MYO10: variants seen among roughly 807,000 people sequenced by gnomAD.
MYO10 encodes unconventional myosin-X.
In MYO10, 133 loss-of-function variants were observed where a neutral mutation model predicts 257.3. The observed-to-expected ratio is 0.52, with a 90% confidence interval of 0.45 to 0.60. The LOEUF (loss-of-function observed/expected upper bound fraction) is 0.60. Ranked by LOEUF, MYO10 falls within the 20% of genes least tolerant of loss-of-function variation. The pLI is 0.00. For missense variants in MYO10, 2,399 were observed against 2,635.7 expected, an observed-to-expected ratio of 0.91 and a Z score of 1.97; for synonymous variants, 1,104 against 1,028.6, an observed-to-expected ratio of 1.07 and a Z score of -1.40.
At chr5:16,816,889 G>A (rs182256552) in intron 3 of MYO10, among the ~76,000 whole-genome samples, 7 of 140,958 alleles carry the variant, frequency 5.0e-5, no homozygotes, top group Admixed American at 7.1e-5. Flanking sequence ...GCGCGATCTT[G>A]GCTCACTGCA....
Position 16,676,019 on chromosome 5 carries a change from C to T in MYO10, c.4666+12G>A, listed in dbSNP as rs372365024. ...TGGTCTCTGAGGAGTCGGGGTGGAG[C>T]TCTGGACTTACAGTTGAGATTTATG... On this transcript the variant is annotated intron_variant, in intron 34 of 40. Transcript: ENST00000513610. 6.2e-7 allele frequency: 1 copy of T among 1,604,652 alleles called. No individual in the cohort carries two copies. The highest frequency in any genetic ancestry group is 8.5e-7 in the Non-Finnish European group (1 of 1,176,718).
At chr5:16,919,116 C>G (rs1053012033) in intron 1 of MYO10, among the ~76,000 whole-genome samples, 1 of 152,134 alleles carries the variant, frequency 6.6e-6, no homozygotes, top group African/African-American at 2.4e-5. Flanking sequence ...ATAGCTCACA[C>G]CTGTAATCCC....
chr5:16,711,624 A>T (rs1393707907), intron 19 of MYO10, among the ~76,000 whole-genome samples: 2 of 152,184 alleles, frequency 1.3e-5, no homozygotes, highest in African/African-American at 4.8e-5. Flanking sequence ...TCTACTAAAA[A>T]TACAAAAATT....
In MYO10 at chr5:16,762,480, G is replaced by C. The variant is rs1016040107; in HGVS notation, c.1587+65C>G. ...TTGGGCCAGCGGACTGACATGTCTG[G>C]TGTGTAATCCCAACCCACAGACGTG... On this transcript the variant is annotated intron_variant, in intron 15 of 40. Transcript: ENST00000513610. 9.4e-6 allele frequency: 12 copies of C among 1,279,318 alleles called. No individual in the cohort carries two copies. The African/African-American group carries it at 1.8e-4, about 19-fold the overall frequency. The allele number at this position is 1,279,318 out of a possible 1,614,324, so 79.2% of individuals were successfully genotyped here.
At chr5:16,934,454 T>C (rs1233128020) in intron 1 of MYO10, among the ~76,000 whole-genome samples, 1 of 152,268 alleles carries the variant, frequency 6.6e-6, no homozygotes, top group Non-Finnish European at 1.5e-5. Context: ...GAACTCACTG[T>C]AGCCCGAGGG....
At chr5:16,737,460 A>G (rs1013582884) in intron 19 of MYO10, among the ~76,000 whole-genome samples, 24 of 152,324 alleles carry the variant, frequency 1.6e-4, no homozygotes, top group African/African-American at 5.3e-4. Context: ...ACTTACTAAA[A>G]AGGGAAACAA....
At chr5:16,800,568 T>A (rs1158036756) in intron 3 of MYO10, among the ~76,000 whole-genome samples, 1 of 152,222 alleles carries the variant, frequency 6.6e-6, no homozygotes, top group African/African-American at 2.4e-5. Context: ...TTGAGGATTC[T>A]GGGACTCATT....
At chr5:16,677,433 T>TTTTTTTTTTTG (rs1363770924) in intron 33 of MYO10, among the ~76,000 whole-genome samples, 2,276 of 144,698 alleles carry the variant, frequency 0.016, 102 homozygotes, top group African/African-American at 0.05. Flanking sequence ...TTTTTTTTTT[T>TTTTTTTTTTTG]GAGACGGAGT....
chr5:16,810,673 A>G (rs1742408858), intron 3 of MYO10, among the ~76,000 whole-genome samples: 1 of 152,190 alleles, frequency 6.6e-6, no homozygotes, highest in Admixed American at 6.5e-5. Context: ...GCGTGCCTGT[A>G]GTCCCAGCTG....
In MYO10 at chr5:16,844,981, G is replaced by GT. The variant is rs1743590859; in HGVS notation, c.121-26815dup. Among the ~76,000 whole-genome samples the GT allele has an allele frequency of 6.6e-5, 10 of 151,476 alleles. No individual in the cohort carries two copies. The South Asian group carries it at 1.9e-3, about 28-fold the overall frequency. On this transcript the variant is annotated intron_variant, in intron 2 of 40. Transcript: ENST00000513610. ...ACACACACACACACACACACACAGT[G>GT]TATTTCCCTTTTCAAATATGACTGA...
At chr5:16,684,240 TTTTAA>T (rs1221161957) in intron 29 of MYO10, among the ~76,000 whole-genome samples, 12 of 152,332 alleles carry the variant, frequency 7.9e-5, no homozygotes, top group African/African-American at 2.6e-4. Flanking sequence ...AGTACCTCTA[TTTTAA>T]TTTAATTTGT....
Position 16,680,022 on chromosome 5 carries a change from G to A in MYO10, c.4467C>T (p.Ser1489=), listed in dbSNP as rs1365936539. The change falls in exon 33 of 41, where the codon TCC becomes TCT. Residue 1489 remains serine, a synonymous_variant. Transcript: ENST00000513610. ...TGTCAGTCACGTTTTGAATGGCACT[G>A]GACCACCGGGTGGCCTCGTTGAGCA... ...TKLLNEATRW[S]SAIQNVTDTK... 4.3e-6 allele frequency: 7 copies of A among 1,613,738 alleles called. No homozygotes were observed. Among genetic ancestry groups the A allele is most frequent in the Non-Finnish European group, 8.5e-7 (1 of 1,179,864 alleles).
intron 1 of MYO10, among the ~76,000 whole-genome samples, chr5:16,914,407 G>A (rs39896): frequency 0.64 from 96,641 of 152,050 alleles, 30,836 homozygotes; most frequent in Admixed American, 0.71. Flanking sequence ...CCTAACATGC[G>A]TTATCAGTAT....
At chr5:16,845,946 G>A (rs900161670) in intron 2 of MYO10, among the ~76,000 whole-genome samples, 1 of 151,930 alleles carries the variant, frequency 6.6e-6, no homozygotes, top group African/African-American at 2.4e-5. Flanking sequence ...CCTGGTGACA[G>A]AGCGAGACTC....
rs542338473 is a variant in MYO10, at chr5:16,895,015, A to G, written c.22-17308T>C. ...GACATTCACCTTTGTCCAGCACAAG[A>G]AAAAACAGTCTCAGACTAACCCGCC... On this transcript the variant is annotated intron_variant, in intron 1 of 40. Transcript: ENST00000513610. Among the ~76,000 whole-genome samples the G allele has an allele frequency of 2.2e-4, 34 of 152,332 alleles. No homozygotes were observed. In the South Asian group the frequency reaches 6.8e-3, roughly 31 times the overall value.
rs1736996973 is a variant in MYO10 at position 16,681,443 on chromosome 5, C to T, written c.4250G>A (p.Arg1417Gln). Residue 1417 changes from arginine to glutamine, a missense_variant, in exon 32 of 41, where the codon CGG becomes CAG. Transcript: ENST00000513610. ...GGAATTGTGGGTGAGTACAAACCAC[C>T]GTTTCTTCAGTTTCAGTGAAGACAT... The part of the protein sequence containing the change: ...PKMSSLKLKK[R>Q]WFVLTHNSLD... 5 of 1,613,722 alleles carry T rather than the reference C, an allele frequency of 3.1e-6. No individual in the cohort carries two copies. Among genetic ancestry groups the T allele is most frequent in the East Asian group, 2.2e-5 (1 of 44,884 alleles).
At chr5:16,912,831 C>CACACACAG (rs1745700255) in intron 1 of MYO10, among the ~76,000 whole-genome samples, 1 of 148,528 alleles carries the variant, frequency 6.7e-6, no homozygotes, top group Non-Finnish European at 1.5e-5. Context: ...CACACACACA[C>CACACACAG]ACACACACAC....
At chr5:16,768,664 C>CT (rs34950225) in intron 10 of MYO10, among the ~76,000 whole-genome samples, 2,658 of 70,128 alleles carry the variant, frequency 0.038, 184 homozygotes, top group African/African-American at 0.1. Flanking sequence ...TTTCTCTTTT[C>CT]TTTTTTTTTT....
At chr5:16,831,695 A>G (rs1743167639) in intron 2 of MYO10, among the ~76,000 whole-genome samples, 2 of 152,176 alleles carry the variant, frequency 1.3e-5, no homozygotes, top group Admixed American at 1.3e-4. Context: ...CGTAAGAATG[A>G]CACAATGGAC....
Sources: allele counts gnomAD v4.1 joint callset (sites outside exome capture counted in the v4.1 genomes callset), GRCh38; gene constraint gnomAD v4.1.1; transcripts MANE v1.5; gene names NCBI Gene and HGNC (gene_info 2026-07-23, HGNC 2026-07-21).